EDIL3: variants seen among roughly 807,000 people sequenced by gnomAD.
EDIL3 encodes EGF-like repeat and discoidin I-like domain-containing protein 3.
Under a neutral mutation model 67.4 loss-of-function variants are expected in EDIL3, and 37 were observed. The ratio of observed to expected loss-of-function variants is 0.55; its 90% CI spans 0.42 to 0.72. The LOEUF is 0.72. EDIL3 is among the 30% of genes least tolerant of loss of function. The probability of loss-of-function intolerance (pLI) is 0.00; values close to 1 mark genes in which losing one functional copy is unlikely to be tolerated. For synonymous variants in EDIL3, 195 were observed against 196.3 expected, an observed-to-expected ratio of 0.99 and a Z score of 0.05; for missense variants, 527 against 586.3, an observed-to-expected ratio of 0.90 and a Z score of 1.04.
intron 1 of EDIL3, among the ~76,000 whole-genome samples, chr5:84,281,936 G>A (rs1285324995): frequency 2.8e-5 from 4 of 143,462 alleles, no homozygotes; most frequent in South Asian, 2.2e-4. Context: ...GTGCGATCTC[G>A]GCTCGCTGCA....
intron 3 of EDIL3, among the ~76,000 whole-genome samples, chr5:84,182,390 A>G (rs1217756571): frequency 1.3e-5 from 2 of 152,126 alleles, no homozygotes; most frequent in Admixed American, 1.3e-4. Context: ...TAGGAGGTTG[A>G]GGCTGCAGTG....
chr5:84,096,571 G>A (rs184544846), intron 6 of EDIL3, among the ~76,000 whole-genome samples: 1 of 152,256 alleles, frequency 6.6e-6, no homozygotes, highest in East Asian at 1.9e-4. Flanking sequence ...AAGTAACTAA[G>A]TTGCTTTTGA....
chr5:84,361,687 A>G (rs1033179955), intron 1 of EDIL3, among the ~76,000 whole-genome samples: 1 of 151,736 alleles, frequency 6.6e-6, no homozygotes, highest in African/African-American at 2.4e-5. Flanking sequence ...AGTGTGTTAT[A>G]AAAACATTAA....
intron 5 of EDIL3, among the ~76,000 whole-genome samples, chr5:84,125,485 G>A (rs541274638): frequency 3.9e-5 from 6 of 152,166 alleles, no homozygotes; most frequent in Admixed American, 1.3e-4. Context: ...CGTCATATAT[G>A]TCCGGGAAGC....
intron 9 of EDIL3, among the ~76,000 whole-genome samples, chr5:84,056,338 G>A (rs937460278): frequency 6.6e-6 from 1 of 151,946 alleles, no homozygotes; most frequent in South Asian, 2.1e-4. Flanking sequence ...GGGTGAGGGG[G>A]GAGGTATACC....
chr5:84,110,954 G>A (rs164432), intron 5 of EDIL3, among the ~76,000 whole-genome samples: 56,334 of 151,922 alleles, frequency 0.37, 10,713 homozygotes, highest in Non-Finnish European at 0.41. Context: ...TAAATCTCAT[G>A]TTGAATTGTA....
At chr5:84,312,381 G>A (rs1746419854) in intron 1 of EDIL3, among the ~76,000 whole-genome samples, 2 of 145,678 alleles carry the variant, frequency 1.4e-5, no homozygotes, top group South Asian at 2.2e-4. Flanking sequence ...CCGGGCGGGG[G>A]GCTGACTCCC....
chr5:84,189,949 C>T (rs576605404), intron 3 of EDIL3, among the ~76,000 whole-genome samples: 13 of 151,896 alleles, frequency 8.6e-5, no homozygotes, highest in South Asian at 8.3e-4. Context: ...AATAATAAAG[C>T]TAGTATACAG....
chr5:84,311,313 T>C (rs1370443147), intron 1 of EDIL3, among the ~76,000 whole-genome samples: 1 of 137,842 alleles, frequency 7.3e-6, no homozygotes, highest in Non-Finnish European at 1.6e-5. Context: ...ATGTATTTTC[T>C]TTTTTTTTTT....
rs73142617 is a variant in EDIL3, at chr5:84,236,423, T to C, written c.197-6539A>G. On this transcript the variant is annotated intron_variant, in intron 2 of 10. Coordinates refer to ENST00000296591, the MANE Select transcript of EDIL3 (RefSeq NM_005711.5). ...TCAATATTTTGGTGTATCTATTCAA[T>C]TGTCCTTAAATATCCTTTGTTTATT... 4.7e-3 allele frequency among the ~76,000 whole-genome samples: 722 copies of C among 152,194 alleles called. 4 individuals carry two copies. The highest frequency in any genetic ancestry group is 0.017 in the African/African-American group (694 of 41,554).
intron 9 of EDIL3, among the ~76,000 whole-genome samples, chr5:84,031,050 ATGGT>A (rs1745911424): frequency 6.6e-6 from 1 of 152,152 alleles, no homozygotes; most frequent in East Asian, 1.9e-4. Flanking sequence ...ATGTCTTCAC[ATGGT>A]CTTTCCTGTG....
At chr5:84,151,869 T>G (rs1319591327) in intron 4 of EDIL3, among the ~76,000 whole-genome samples, 1 of 152,056 alleles carries the variant, frequency 6.6e-6, no homozygotes, top group African/African-American at 2.4e-5. Flanking sequence ...ATACAGGAAC[T>G]ATGAAATAAT....
chr5:84,277,150 G>A (rs1402353613), intron 1 of EDIL3, among the ~76,000 whole-genome samples: 1 of 152,032 alleles, frequency 6.6e-6, no homozygotes, highest in African/African-American at 2.4e-5. Flanking sequence ...TGCAATGAAT[G>A]GAATGTTTAC....
intron 9 of EDIL3, among the ~76,000 whole-genome samples, chr5:84,011,123 C>A (rs1745509797): frequency 6.6e-6 from 1 of 152,134 alleles, no homozygotes; most frequent in African/African-American, 2.4e-5. Flanking sequence ...TATAACATTG[C>A]CTTCTGTTTC....
chr5:84,001,038 A>C (rs1331096255), intron 9 of EDIL3, among the ~76,000 whole-genome samples: 1 of 151,680 alleles, frequency 6.6e-6, no homozygotes, highest in Non-Finnish European at 1.5e-5. Context: ...AAGCAGAAAA[A>C]CCACATTTTT....
At chr5:84,331,162 T>C (rs1746862992) in intron 1 of EDIL3, among the ~76,000 whole-genome samples, 1 of 152,198 alleles carries the variant, frequency 6.6e-6, no homozygotes, top group Admixed American at 6.5e-5. Context: ...TTTTACAGGC[T>C]CATAGGTGGA....
chr5:83,956,389 A>C (rs1744514432), intron 10 of EDIL3, among the ~76,000 whole-genome samples: 1 of 151,614 alleles, frequency 6.6e-6, no homozygotes, highest in South Asian at 2.1e-4. Flanking sequence ...TTTTGACCCC[A>C]GGCCTCCACT....
chr5:84,240,946 T>C (rs1201929408), intron 2 of EDIL3, among the ~76,000 whole-genome samples: 2 of 152,230 alleles, frequency 1.3e-5, no homozygotes, highest in African/African-American at 4.8e-5. Flanking sequence ...TCTAATTTTT[T>C]ATCATTCTAT....
At position 83,943,450 on chromosome 5, in the gene EDIL3, G is replaced by A; in HGVS notation, c.1412C>T (p.Ser471Leu). The change falls in exon 11 of 11, where the codon TCA becomes TTA. Residue 471 changes from serine (S) to leucine (L), a missense_variant. This residue lies in a region of EDIL3 where 33 missense variants were observed against 63.7 expected (regional missense o/e 0.52). Coordinates refer to ENST00000296591, the MANE Select transcript of EDIL3 (RefSeq NM_005711.5). Reference sequence around the variant, plus strand: ...CTCCTCTGTGCAGCCCAGCAGCTCTGACCGCAATGTGATCCTCCCGTACCA... The same window carrying A: ...CTCCTCTGTGCAGCCCAGCAGCTCTAACCGCAATGTGATCCTCCCGTACCA... Reference protein sequence around the residue: ...WSWYGRITLRSELLGCTEEE With the variant: ...WSWYGRITLRLELLGCTEEE 6.2e-7 allele frequency: 1 copy of A among 1,612,642 alleles called. No individual in the cohort carries two copies. Among genetic ancestry groups the A allele is most frequent in the Non-Finnish European group, 8.5e-7 (1 of 1,179,174 alleles).
Sources: gnomAD v4.1 joint callset for allele counts (sites outside exome capture counted in the v4.1 genomes callset) on GRCh38, gnomAD v4.1.1 for gene constraint, gnomAD v4.1.1 regional missense constraint, MANE v1.5 for transcripts, NCBI Gene and HGNC (gene_info 2026-07-23, HGNC 2026-07-21) for gene names.